FTO: variants seen among roughly 807,000 people sequenced by gnomAD.
The protein encoded by FTO is FTO alpha-ketoglutarate dependent dioxygenase.
FTO carries 47 observed loss-of-function variants against 63.9 expected under a neutral mutation model. The ratio of observed to expected loss-of-function variants is 0.74; its 90% confidence interval spans 0.58 to 0.94. The LOEUF (loss-of-function observed/expected upper bound fraction) is 0.94. FTO is among the 40% of genes least tolerant of loss of function. The pLI is 0.00. For missense variants in FTO, 562 were observed against 618.1 expected (o/e 0.91, Z 0.96); for synonymous variants, 207 against 224.4 (o/e 0.92, Z 0.69).
intron 8 of FTO, among the ~76,000 whole-genome samples, chr16:54,089,799 C>T (rs1167301230): frequency 6.6e-6 from 1 of 150,920 alleles, no homozygotes; most frequent in Admixed American, 6.6e-5. Flanking sequence ...CATCATTAGT[C>T]AATAGAGAAA....
chr16:53,946,713 G>C lies in FTO; in HGVS notation c.1364+12604G>C, dbSNP rs150948392. ...ATGCTGTGCTACGGCTCTCTTTCCA[G>C]ACTGTTGACAGCCATTGTATCTGTC... On this transcript the variant is annotated intron_variant, in intron 8 of 8. Transcript: ENST00000471389. 1.2e-3 allele frequency among the ~76,000 whole-genome samples: 178 copies of C among 152,244 alleles called. 1 individual carries two copies. The highest frequency in any genetic ancestry group is 4.2e-3 in the African/African-American group (174 of 41,524).
intron 8 of FTO, among the ~76,000 whole-genome samples, chr16:53,995,175 A>G (rs2083905862): frequency 6.6e-6 from 1 of 152,180 alleles, no homozygotes; most frequent in Non-Finnish European, 1.5e-5. Flanking sequence ...TATCATGTTA[A>G]ACTTAGCTAT....
At chr16:53,722,905 A>G (rs935790039) in intron 1 of FTO, among the ~76,000 whole-genome samples, 1 of 152,122 alleles carries the variant, frequency 6.6e-6, no homozygotes, top group South Asian at 2.1e-4. Flanking sequence ...GCCATAGGAG[A>G]AATCATAGAT....
intron 1 of FTO, among the ~76,000 whole-genome samples, chr16:53,807,364 G>C (rs1260548392): frequency 6.6e-6 from 1 of 152,172 alleles, no homozygotes; most frequent in Non-Finnish European, 1.5e-5. Context: ...TTTTGATACA[G>C]CCTTATAAGT....
chr16:53,721,279 T>C (rs2076034054), intron 1 of FTO, among the ~76,000 whole-genome samples: 1 of 152,180 alleles, frequency 6.6e-6, no homozygotes, highest in Non-Finnish European at 1.5e-5. Context: ...TCTCATTTCC[T>C]CTGCAGAAGA....
rs990241702 is a variant in FTO, at chr16:53,856,335, A to G, written c.895+12037A>G. On this transcript the variant is annotated intron_variant, in intron 4 of 8. Coordinates refer to ENST00000471389, the MANE Select transcript of FTO (RefSeq NM_001080432.3). ...TGCTGGAAGGTTCCTTAGACTTTGT[A>G]ATCTAAGCCCAATAAACATCTTTTT... Among the ~76,000 whole-genome samples the G allele has an allele frequency of 4.0e-5, 6 of 151,434 alleles. No homozygotes were observed. The Admixed American group carries it at 4.0e-4, about 10-fold the overall frequency.
intron 4 of FTO, among the ~76,000 whole-genome samples, chr16:53,848,310 T>C (rs1474788210): frequency 6.6e-6 from 1 of 152,150 alleles, no homozygotes; most frequent in Non-Finnish European, 1.5e-5. Context: ...TTTATAATAA[T>C]ATATTGGTCT....
At chr16:54,064,377 A>G (rs1281154012) in intron 8 of FTO, among the ~76,000 whole-genome samples, 3 of 152,330 alleles carry the variant, frequency 2.0e-5, no homozygotes, top group African/African-American at 7.2e-5. Context: ...AGCTGTAATG[A>G]AAACATTTTC....
chr16:54,073,946 A>C (rs2085928487), intron 8 of FTO, among the ~76,000 whole-genome samples: 1 of 152,098 alleles, frequency 6.6e-6, no homozygotes, highest in Admixed American at 6.5e-5. Context: ...AATTGTTTGC[A>C]CCAAACCCAA....
At chr16:54,051,123 A>C (rs1485672277) in intron 8 of FTO, among the ~76,000 whole-genome samples, 2 of 152,212 alleles carry the variant, frequency 1.3e-5, no homozygotes, top group East Asian at 1.9e-4. Context: ...TACTCTTCTC[A>C]AGAACAGCCC....
chr16:54,008,037 A>G (rs1567513229), intron 8 of FTO, among the ~76,000 whole-genome samples: 1 of 152,192 alleles, frequency 6.6e-6, no homozygotes, highest in Admixed American at 6.5e-5. Context: ...GCTGGTGCAA[A>G]GGATGTGCCC....
chr16:53,710,327 G>A (rs1310002493), intron 1 of FTO, among the ~76,000 whole-genome samples: 8 of 148,080 alleles, frequency 5.4e-5, no homozygotes, highest in East Asian at 2.0e-4. Flanking sequence ...GTGCAGTGGC[G>A]CGATCTCAGC....
In FTO at chr16:54,013,065, A is replaced by G. The variant is rs143138231; in HGVS notation, c.1364+78956A>G. 4.9e-3 allele frequency among the ~76,000 whole-genome samples: 752 copies of G among 152,316 alleles called. 5 individuals carry two copies. The highest frequency in any genetic ancestry group is 0.01 in the Middle Eastern group (3 of 294). On this transcript the variant is annotated intron_variant, in intron 8 of 8. Transcript: ENST00000471389. The stretch of plus-strand genomic sequence containing the variant: ...TCCTCTGATAAATCTGGGAAGGATA[A>G]TTGAAAACCTTCTGGGAAGGATTCA...
At chr16:53,785,329 T>G (rs781542202) in intron 1 of FTO, among the ~76,000 whole-genome samples, 1 of 152,082 alleles carries the variant, frequency 6.6e-6, no homozygotes, top group Non-Finnish European at 1.5e-5. Context: ...AATTACTGAA[T>G]GAAAGTGGAA....
intron 1 of FTO, among the ~76,000 whole-genome samples, chr16:53,726,622 T>C (rs969994041): frequency 2.0e-5 from 3 of 152,160 alleles, no homozygotes; most frequent in African/African-American, 7.2e-5. Context: ...TGCTGTCAGT[T>C]TGGAGCTTCA....
At chr16:53,862,292 G>A (rs1358327805) in intron 4 of FTO, among the ~76,000 whole-genome samples, 1 of 152,008 alleles carries the variant, frequency 6.6e-6, no homozygotes, top group Non-Finnish European at 1.5e-5. Flanking sequence ...ACAACTCTAT[G>A]GATATCGTTC....
chr16:53,901,512 G>A (rs1056376493), intron 7 of FTO, among the ~76,000 whole-genome samples: 1 of 152,120 alleles, frequency 6.6e-6, no homozygotes, highest in Non-Finnish European at 1.5e-5. Context: ...AGTGGATGTG[G>A]TCTTCTCTCA....
intron 4 of FTO, among the ~76,000 whole-genome samples, chr16:53,863,254 T>C (rs1598855114): frequency 6.6e-6 from 1 of 152,208 alleles, no homozygotes; most frequent in Non-Finnish European, 1.5e-5. Context: ...TCAAAGTGCC[T>C]CCATTCCTTT....
chr16:54,018,384 TGATAGATA>T (rs5816918), intron 8 of FTO, among the ~76,000 whole-genome samples: 1 of 93,462 alleles, frequency 1.1e-5, no homozygotes, highest in East Asian at 2.7e-4. Flanking sequence ...GATAGATAGA[TGATAGATA>T]GATAGATAGA....
Sources: gnomAD v4.1 joint callset for allele counts (sites outside exome capture counted in the v4.1 genomes callset) on GRCh38, gnomAD v4.1.1 for gene constraint, MANE v1.5 for transcripts, NCBI Gene and HGNC (gene_info 2026-07-23, HGNC 2026-07-21) for gene names.